PPFIA2: variants seen among roughly 807,000 people sequenced by gnomAD.
PPFIA2 encodes the protein liprin-alpha-2.
PPFIA2 carries 46 observed loss-of-function variants against 175.5 expected under a neutral mutation model. The ratio of observed to expected loss-of-function variants is 0.26; its 90% CI spans 0.21 to 0.34. The LOEUF (loss-of-function observed/expected upper bound fraction) is 0.34. Among genes scored for constraint, PPFIA2 ranks in the 10% least tolerant of loss-of-function variants. The probability of loss-of-function intolerance (pLI) is 1.00; values close to 1 mark genes in which losing one functional copy is unlikely to be tolerated. For synonymous variants in PPFIA2, 568 were observed against 511.4 expected (o/e 1.11, Z -1.49); for missense variants, 1,179 against 1,506.1 (o/e 0.78, Z 3.60).
In PPFIA2 at chr12:81,691,833, AAAG is replaced by A. The variant is rs1362477310; in HGVS notation, c.250-14992_250-14990del. Among the ~76,000 whole-genome samples the A allele has an allele frequency of 2.6e-5, 4 of 152,216 alleles. No individual in the cohort carries two copies. The East Asian group carries it at 7.8e-4, about 30-fold the overall frequency. ...GCAAGGAAGAAATTGTCCAAAAGAG[AAAG>A]AAGAAAAAGATAAATTTTATTTTAT... On this transcript the variant is annotated intron_variant, in intron 3 of 32. Coordinates refer to ENST00000549396, the MANE Select transcript of PPFIA2 (RefSeq NM_003625.5).
intron 4 of PPFIA2, among the ~76,000 whole-genome samples, chr12:81,462,951 C>A (rs922187234): frequency 5.9e-5 from 9 of 151,890 alleles, no homozygotes; most frequent in Non-Finnish European, 1.2e-4. Context: ...TCACATTGGT[C>A]TTATTCATGC....
chr12:81,344,795 T>C (rs1237145962), intron 18 of PPFIA2, 102 bp from the exon 19 acceptor site: 1 of 797,418 alleles, frequency 1.3e-6, no homozygotes, highest in Non-Finnish European at 2.0e-6. Flanking sequence ...TTGACTATCA[T>C]TTTTTTCTTC....
At chr12:81,665,254 T>C (rs1390994826) in intron 4 of PPFIA2, among the ~76,000 whole-genome samples, 3 of 152,042 alleles carry the variant, frequency 2.0e-5, no homozygotes, top group Non-Finnish European at 4.4e-5. Flanking sequence ...CAGAGTTGTT[T>C]CATTACTCAG....
chr12:81,736,535 ACT>A (rs1327646739), intron 3 of PPFIA2, among the ~76,000 whole-genome samples: 2 of 151,930 alleles, frequency 1.3e-5, no homozygotes, highest in African/African-American at 4.8e-5. Context: ...TAAACAGATA[ACT>A]CTGCAGCTGT....
At chr12:81,325,032 AGAAGGAAAATGT>A (rs1026870615) in intron 22 of PPFIA2, among the ~76,000 whole-genome samples, 2 of 152,088 alleles carry the variant, frequency 1.3e-5, no homozygotes, top group Non-Finnish European at 2.9e-5. Context: ...TTCATAGGAA[AGAAGGAAAATGT>A]GAAAACCAAA....
At chr12:81,694,002 G>C (rs558533507) in intron 3 of PPFIA2, among the ~76,000 whole-genome samples, 11 of 152,048 alleles carry the variant, frequency 7.2e-5, no homozygotes, top group Admixed American at 7.2e-4. Context: ...ATGTGGTCTG[G>C]CTACTTTTAA....
At position 81,385,699 on chromosome 12, in the gene PPFIA2, C is replaced by T. The variant is rs562513577; in HGVS notation, c.763-1455G>A. ...ATAGAAGAATGGTGGTTGCCAGAGG[C>T]TGGAAAAAAAGGATAGCTGTGATGA... is the stretch of plus-strand genomic sequence containing the variant. On this transcript the variant is annotated intron_variant, in intron 8 of 32. Transcript: ENST00000549396. Among the ~76,000 whole-genome samples, 157 of 151,866 alleles carry T rather than the reference C, an allele frequency of 1.0e-3. 1 individual carries two copies. Among genetic ancestry groups the T allele is most frequent in the African/African-American group, 3.4e-3 (139 of 41,408 alleles).
At chr12:81,688,542 A>C (rs1482246699) in intron 3 of PPFIA2, among the ~76,000 whole-genome samples, 1 of 151,724 alleles carries the variant, frequency 6.6e-6, no homozygotes, top group Non-Finnish European at 1.5e-5. Flanking sequence ...CACATAATTT[A>C]ATTTTAAAAA....
intron 7 of PPFIA2, chr12:81,431,097 T>G (rs1428432539): frequency 6.6e-6 from 1 of 152,212 alleles, no homozygotes; most frequent in Non-Finnish European, 1.5e-5. Flanking sequence ...GCAACTACAC[T>G]TGCCAGTTCT....
chr12:81,369,521 G>C (rs1595700104), intron 11 of PPFIA2: 1 of 809,234 alleles, frequency 1.2e-6, no homozygotes. Flanking sequence ...TGCACAGATG[G>C]TTGATTATCA....
At chr12:81,299,203 G>C in intron 23 of PPFIA2, 98 bp downstream of exon 23, 11 of 1,451,298 alleles carry the variant, frequency 7.6e-6, no homozygotes, top group South Asian at 7.0e-5. Context: ...CCAGACTAAG[G>C]GGATGCTGTG....
intron 8 of PPFIA2, among the ~76,000 whole-genome samples, chr12:81,384,533 C>T (rs1367968584): frequency 1.3e-5 from 2 of 151,836 alleles, no homozygotes; most frequent in Admixed American, 6.6e-5. Flanking sequence ...GTATCCTAAA[C>T]ATTTAAGTGT....
chr12:81,280,717 C>T (rs1228084757), intron 27 of PPFIA2, among the ~76,000 whole-genome samples: 4 of 152,004 alleles, frequency 2.6e-5, no homozygotes, highest in African/African-American at 9.7e-5. Flanking sequence ...ACTGCATCCT[C>T]ACAGTTATCT....
intron 4 of PPFIA2, among the ~76,000 whole-genome samples, chr12:81,659,446 C>T (rs1158226177): frequency 6.6e-6 from 1 of 152,180 alleles, no homozygotes; most frequent in African/African-American, 2.4e-5. Context: ...CCCATGGAGC[C>T]TTGCTCATTG....
chr12:81,442,507 A>G (rs993272826), intron 6 of PPFIA2, among the ~76,000 whole-genome samples: 1 of 151,900 alleles, frequency 6.6e-6, no homozygotes, highest in Non-Finnish European at 1.5e-5. Context: ...TTTCCCATAC[A>G]TGTCTGATAT....
chr12:81,443,853 T>TC (rs1237611394), intron 6 of PPFIA2, among the ~76,000 whole-genome samples: 24 of 125,050 alleles, frequency 1.9e-4, no homozygotes, highest in Non-Finnish European at 3.1e-4. Flanking sequence ...TTCTTTTTTT[T>TC]TTTTTTTTTT....
chr12:81,431,159 T>A (rs1451502377), intron 7 of PPFIA2: 1 of 152,242 alleles, frequency 6.6e-6, no homozygotes, highest in East Asian at 1.9e-4. Context: ...AGCACGCCTG[T>A]GTATTCACTG....
At chr12:81,521,179 T>G (rs965419681) in intron 4 of PPFIA2, among the ~76,000 whole-genome samples, 10 of 152,118 alleles carry the variant, frequency 6.6e-5, no homozygotes, top group Non-Finnish European at 1.5e-4. Context: ...TTCTTGACTG[T>G]TTCTAGAAAT....
intron 3 of PPFIA2, among the ~76,000 whole-genome samples, chr12:81,706,545 C>T (rs1318243560): frequency 6.6e-6 from 1 of 151,998 alleles, no homozygotes; most frequent in Admixed American, 6.6e-5. Flanking sequence ...TCTAATAGAA[C>T]TTTTTTATAA....
Sources: gnomAD v4.1 joint callset for allele counts (sites outside exome capture counted in the v4.1 genomes callset) on GRCh38, gnomAD v4.1.1 for gene constraint, MANE v1.5 for transcripts, NCBI Gene and HGNC (gene_info 2026-07-23, HGNC 2026-07-21) for gene names.